Variants in RSU1 observed in about 807,000 individuals in gnomAD.
RSU1 encodes the protein rsu-1.
A neutral mutation model predicts 31.1 loss-of-function variants in RSU1; 26 were observed. That is an observed-to-expected ratio of 0.84 (90% CI 0.61 to 1.16). The LOEUF (loss-of-function observed/expected upper bound fraction) is 1.16, where lower values mean the gene tolerates loss of function less well. Ranked by LOEUF, RSU1 falls within the 50% of genes most tolerant of loss-of-function variation. The pLI, the probability that RSU1 is intolerant of heterozygous loss-of-function variation, is 0.00. For synonymous variants in RSU1, 164 were observed against 136.3 expected (o/e 1.20, Z -1.41); for missense variants, 320 against 339.1 (o/e 0.94, Z 0.44).
intron 3 of RSU1, among the ~76,000 whole-genome samples, chr10:16,766,080 G>A (rs531079059): frequency 6.6e-6 from 1 of 152,224 alleles, no homozygotes; most frequent in East Asian, 1.9e-4. Context: ...GCCTTTTAGA[G>A]GTAAGGCTTG....
At position 16,754,965 on chromosome 10, in the gene RSU1, T is replaced by C; in HGVS notation, c.306A>G (p.Pro102=). The part of the protein sequence containing the change: ...NLGMNRLNTL[P]RGFGSLPALE... ...GAGCTGGCAGGGAGCCGAAGCCTCGTGGCAAAGTGTTCAGCCTGTTCATGC... is the reference window on the plus strand; with the variant it reads ...GAGCTGGCAGGGAGCCGAAGCCTCGCGGCAAAGTGTTCAGCCTGTTCATGC... The change falls in exon 5 of 9, where the codon CCA becomes CCG. Residue 102 remains proline (P), a synonymous_variant. Transcript: ENST00000345264. The C allele has an allele frequency of 6.2e-7, 1 of 1,613,486 alleles. No homozygotes were observed. Among genetic ancestry groups the C allele is most frequent in the Non-Finnish European group, 8.5e-7 (1 of 1,179,776 alleles).
At chr10:16,722,869 T>TATATACACACATATACATATATGC (rs1564332493) in intron 7 of RSU1, among the ~76,000 whole-genome samples, 3 of 139,906 alleles carry the variant, frequency 2.1e-5, no homozygotes, top group Non-Finnish European at 4.8e-5. Flanking sequence ...TACATATATG[T>TATATACACACATATACATATATGC]ATATATACAC....
At chr10:16,794,449 T>A (rs1470785645) in intron 2 of RSU1, among the ~76,000 whole-genome samples, 3 of 152,226 alleles carry the variant, frequency 2.0e-5, no homozygotes, top group African/African-American at 7.2e-5. Context: ...CCTCTGTCTC[T>A]TCTTTTTTCT....
intron 8 of RSU1, among the ~76,000 whole-genome samples, chr10:16,656,980 T>C (rs554949125): frequency 6.6e-6 from 1 of 152,246 alleles, no homozygotes; most frequent in South Asian, 2.1e-4. Context: ...CACTGTTCTC[T>C]TTAAATCTTG....
intron 7 of RSU1, among the ~76,000 whole-genome samples, chr10:16,732,076 C>T (rs1836523001): frequency 6.6e-6 from 1 of 151,136 alleles, no homozygotes; most frequent in South Asian, 2.1e-4. Context: ...AAACTGATGC[C>T]TCAGTATTAC....
chr10:16,716,898 A>C (rs1836153106), intron 7 of RSU1, among the ~76,000 whole-genome samples: 1 of 152,198 alleles, frequency 6.6e-6, no homozygotes, highest in South Asian at 2.1e-4. Flanking sequence ...CGTAATCTTA[A>C]TATTCATCTT....
intron 4 of RSU1, among the ~76,000 whole-genome samples, chr10:16,761,360 G>T (rs1328661308): frequency 6.6e-6 from 1 of 152,162 alleles, no homozygotes; most frequent in Non-Finnish European, 1.5e-5. Flanking sequence ...CTCCATCAGG[G>T]CTGGATGGCC....
At chr10:16,614,835 T>C (rs1833949077) in intron 8 of RSU1, among the ~76,000 whole-genome samples, 1 of 152,098 alleles carries the variant, frequency 6.6e-6, no homozygotes, top group African/African-American at 2.4e-5. Flanking sequence ...GAGCCTCATT[T>C]ACTCATATCT....
chr10:16,790,416 T>C (rs1172119478), intron 2 of RSU1, among the ~76,000 whole-genome samples: 1 of 152,042 alleles, frequency 6.6e-6, no homozygotes, highest in East Asian at 1.9e-4. Context: ...CCTAACACGC[T>C]AGGTATAAGA....
intron 8 of RSU1, among the ~76,000 whole-genome samples, chr10:16,630,561 G>C (rs1352985922): frequency 1.3e-5 from 2 of 152,184 alleles, no homozygotes; most frequent in African/African-American, 4.8e-5. Context: ...CTGTTGATGG[G>C]AAGGAGTGAA....
intron 7 of RSU1, among the ~76,000 whole-genome samples, chr10:16,747,257 C>G (rs991621291): frequency 6.6e-6 from 1 of 152,176 alleles, no homozygotes; most frequent in Non-Finnish European, 1.5e-5. Flanking sequence ...GGGATCTCAT[C>G]CAATTTGTAC....
At chr10:16,616,811 C>G (rs1833985282) in intron 8 of RSU1, among the ~76,000 whole-genome samples, 1 of 152,186 alleles carries the variant, frequency 6.6e-6, no homozygotes, top group South Asian at 2.1e-4. Context: ...TGATAAAATT[C>G]AACATCCCAT....
intron 7 of RSU1, among the ~76,000 whole-genome samples, chr10:16,722,758 A>G (rs1359649297): frequency 6.6e-6 from 1 of 151,930 alleles, no homozygotes; most frequent in Non-Finnish European, 1.5e-5. Context: ...CTCAAACTAC[A>G]TATGTGTATA....
At chr10:16,640,320 T>C (rs1010319309) in intron 8 of RSU1, among the ~76,000 whole-genome samples, 4 of 152,228 alleles carry the variant, frequency 2.6e-5, no homozygotes, top group Middle Eastern at 3.4e-3. Context: ...TGCCAAATTC[T>C]CAACCCTAAG....
At chr10:16,662,532 G>A (rs1474088022) in intron 8 of RSU1, among the ~76,000 whole-genome samples, 1 of 152,070 alleles carries the variant, frequency 6.6e-6, no homozygotes, top group Non-Finnish European at 1.5e-5. Context: ...TAAACATATT[G>A]TAGCCTACTT....
At chr10:16,686,846 T>C (rs1689543288) in intron 8 of RSU1, among the ~76,000 whole-genome samples, 1 of 141,084 alleles carries the variant, frequency 7.1e-6, no homozygotes, top group South Asian at 2.3e-4. Flanking sequence ...CCTTTGATGT[T>C]GCAGCTGTAG....
intron 2 of RSU1, among the ~76,000 whole-genome samples, chr10:16,795,041 T>A (rs996975080): frequency 1.3e-5 from 2 of 152,240 alleles, no homozygotes; most frequent in Non-Finnish European, 2.9e-5. Flanking sequence ...ACTTTACATA[T>A]GTGTTCACTA....
chr10:16,603,829 TGTATGTGCTTGTA>T (rs1392420653), intron 8 of RSU1, among the ~76,000 whole-genome samples: 8 of 152,118 alleles, frequency 5.3e-5, no homozygotes, highest in Non-Finnish European at 1.2e-4. Context: ...CAACTGTATA[TGTATGTGCTTGTA>T]ATACAACGAT....
chr10:16,612,775 G>C (rs1833915591), intron 8 of RSU1, among the ~76,000 whole-genome samples: 1 of 152,184 alleles, frequency 6.6e-6, no homozygotes, highest in African/African-American at 2.4e-5. Context: ...TCGTTACCCA[G>C]ATTAGATTCT....
Sources: gnomAD v4.1 joint callset for allele counts (sites outside exome capture counted in the v4.1 genomes callset) on GRCh38, gnomAD v4.1.1 for gene constraint, MANE v1.5 for transcripts, NCBI Gene and HGNC (gene_info 2026-07-23, HGNC 2026-07-21) for gene names.